PLEKHH1: variants seen among roughly 807,000 people sequenced by gnomAD.
The protein encoded by PLEKHH1 is pleckstrin homology, MyTH4 and FERM domain containing H1, also known as pleckstrin homology domain-containing family H member 1.
A neutral mutation model predicts 160.0 loss-of-function variants in PLEKHH1; 104 were observed. The observed-to-expected ratio is 0.65, with a 90% CI of 0.55 to 0.76. The LOEUF (loss-of-function observed/expected upper bound fraction) is 0.76. Ranked by LOEUF, PLEKHH1 falls within the 30% of genes least tolerant of loss-of-function variation. The probability of loss-of-function intolerance (pLI) is 0.00; values close to 1 mark genes in which losing one functional copy is unlikely to be tolerated. For missense variants in PLEKHH1, 1,427 were observed against 1,724.1 expected (o/e 0.83, Z 3.05); for synonymous variants, 619 against 678.4 (o/e 0.91, Z 1.36).
At chr14:67,546,250 A>G (rs2034173928) in intron 2 of PLEKHH1, among the ~76,000 whole-genome samples, 1 of 152,246 alleles carries the variant, frequency 6.6e-6, no homozygotes, top group Admixed American at 6.5e-5. Context: ...TATATCTGTC[A>G]TGGTCCATTT....
rs749625038 is a variant in PLEKHH1, at chr14:67,576,055, G to A, written c.2352+50G>A. The A allele has an allele frequency of 7.1e-7, 1 of 1,405,664 alleles. No homozygotes were observed. The highest frequency in any genetic ancestry group is 2.1e-5 in the Admixed American group (1 of 48,082). The allele number at this position is 1,405,664 out of a possible 1,614,324, so 87.1% of individuals were successfully genotyped here. A position where few individuals can be genotyped will look rare whatever the true frequency, so the allele number is the denominator to read the frequency against. On this transcript the variant is annotated intron_variant, in intron 16 of 28. Transcript: ENST00000329153. The surrounding 1 kb of genome is among the most constrained non-coding windows in gnomAD (Gnocchi z 4.0). ...GGGCCAAGCTTGGACCTGTGATTCTGATCTTCCCTTCTCTCTTTCTCCTGA... is the reference window on the plus strand; with the variant it reads ...GGGCCAAGCTTGGACCTGTGATTCTAATCTTCCCTTCTCTCTTTCTCCTGA...
At chr14:67,560,977 C>T (rs552270822) in intron 5 of PLEKHH1, among the ~76,000 whole-genome samples, 129 of 152,184 alleles carry the variant, frequency 8.5e-4, no homozygotes, top group African/African-American at 2.8e-3. Context: ...GTGATCTGCC[C>T]GCCTCAGCCT....
At chr14:67,537,919 A>G (rs2033804725) in intron 1 of PLEKHH1, among the ~76,000 whole-genome samples, 1 of 152,234 alleles carries the variant, frequency 6.6e-6, no homozygotes, top group South Asian at 2.1e-4. Flanking sequence ...CAAAGCAGGT[A>G]TCAAGACTAT....
At chr14:67,559,059 CGTT>C (rs1293607437) in intron 4 of PLEKHH1, among the ~76,000 whole-genome samples, 2 of 152,210 alleles carry the variant, frequency 1.3e-5, no homozygotes, top group African/African-American at 4.8e-5. Flanking sequence ...GAGAGTCTGA[CGTT>C]GTCTGATGCT....
At chr14:67,564,574 C>A (rs117125821) in intron 7 of PLEKHH1, among the ~76,000 whole-genome samples, 8,497 of 152,220 alleles carry the variant, frequency 0.056, 274 homozygotes, top group Non-Finnish European at 0.078. Flanking sequence ...CCTCCTACTT[C>A]AGCCTTCTAA....
rs1033648276 is a variant in PLEKHH1, at chr14:67,580,824, G to A, written c.3184-114G>A. 4.4e-6 allele frequency: 3 copies of A among 679,840 alleles called. No homozygotes were observed. In the East Asian group the frequency reaches 8.0e-5, roughly 18 times the overall value. The allele number at this position is 679,840 out of a possible 1,614,324, so 42.1% of individuals were successfully genotyped here. A position where few individuals can be genotyped will look rare whatever the true frequency, so the allele number is the denominator to read the frequency against. On this transcript the variant is annotated intron_variant, in intron 22 of 28. Coordinates refer to ENST00000329153, the MANE Select transcript of PLEKHH1 (RefSeq NM_020715.3). ...TCCGCAGGTCAGCCTCCTGGTGGGA[G>A]GACTTTTCCTTAGTTTTCTTTGCTC...
intron 2 of PLEKHH1, among the ~76,000 whole-genome samples, chr14:67,542,279 T>C (rs1713401437): frequency 6.6e-6 from 1 of 152,242 alleles, no homozygotes; most frequent in Admixed American, 6.5e-5. Flanking sequence ...GGAGAGGTTC[T>C]ATTATTCCCT....
chr14:67,536,395 A>G (rs2033719519), intron 1 of PLEKHH1, among the ~76,000 whole-genome samples: 1 of 151,880 alleles, frequency 6.6e-6, no homozygotes, highest in African/African-American at 2.4e-5. Flanking sequence ...CACTTTTAGA[A>G]GATGGTGGTA....
chr14:67,550,114 T>G (rs1215980401), intron 2 of PLEKHH1, among the ~76,000 whole-genome samples: 2 of 149,392 alleles, frequency 1.3e-5, no homozygotes, highest in African/African-American at 2.5e-5. Flanking sequence ...TTTTATGTAT[T>G]TGGAAATAAG....
Position 67,587,345 on chromosome 14 carries a change from G to A in PLEKHH1, c.*110G>A. ...GGTCTAACAGCCCCCGGCTACTCTT[G>A]TTCTGTGAAATGTGTATTTTAGTCT... On this transcript the variant is annotated 3_prime_UTR_variant, in exon 29 of 29. Coordinates refer to ENST00000329153, the MANE Select transcript of PLEKHH1 (RefSeq NM_020715.3). 1 of 1,241,614 alleles carries A rather than the reference G, an allele frequency of 8.1e-7. No individual in the cohort carries two copies. The highest frequency in any genetic ancestry group is 1.2e-6 in the Non-Finnish European group (1 of 844,506). The allele number at this position is 1,241,614 out of a possible 1,614,324, so 76.9% of individuals were successfully genotyped here.
At chr14:67,544,532 A>G (rs2034102104) in intron 2 of PLEKHH1, among the ~76,000 whole-genome samples, 1 of 152,234 alleles carries the variant, frequency 6.6e-6, no homozygotes, top group Non-Finnish European at 1.5e-5. Flanking sequence ...GACACAAAAA[A>G]CAATTAGACT....
chr14:67,541,655 C>G (rs1055000837), intron 1 of PLEKHH1, among the ~76,000 whole-genome samples, 179 bp from the exon 2 acceptor site: 2 of 152,212 alleles, frequency 1.3e-5, no homozygotes, highest in African/African-American at 4.8e-5. Flanking sequence ...GCGGGACACA[C>G]TGAGCTGAGG....
Position 67,578,991 on chromosome 14 carries a change from TC to T in PLEKHH1, c.2850-140del. 1.5e-6 allele frequency: 1 copy of T among 654,114 alleles called. No individual in the cohort carries two copies. Among genetic ancestry groups the T allele is most frequent in the Non-Finnish European group, 2.7e-6 (1 of 372,844 alleles). 40.5% of individuals were successfully genotyped at this position (654,114 alleles called of 1,614,324 possible). On this transcript the variant is annotated intron_variant, in intron 20 of 28. Coordinates refer to ENST00000329153, the MANE Select transcript of PLEKHH1 (RefSeq NM_020715.3). The surrounding 1 kb of genome is among the most constrained non-coding windows in gnomAD (Gnocchi z 5.0). ...AAAGGTCCTGAATGACAAATTAATG[TC>T]CCAGACCAGAGTCTTCAGGGCTTTT...
chr14:67,573,220 G>A lies in PLEKHH1; in HGVS notation c.1729-56G>A. ...GCTGGACCACTTGGACCTGTGTGATGTCTAGGAGCCCTGAGTGATTTCCCC... is the reference window on the plus strand; with the variant it reads ...GCTGGACCACTTGGACCTGTGTGATATCTAGGAGCCCTGAGTGATTTCCCC... On this transcript the variant is annotated intron_variant, in intron 11 of 28. Coordinates refer to ENST00000329153, the MANE Select transcript of PLEKHH1 (RefSeq NM_020715.3). This position sits in a 1 kb window ranked among gnomAD's most constrained non-coding sequence, Gnocchi z 4.8. 8.9e-7 allele frequency: 1 copy of A among 1,120,586 alleles called. No homozygotes were observed. The highest frequency in any genetic ancestry group is 1.4e-6 in the Non-Finnish European group (1 of 739,410). 69.4% of individuals were successfully genotyped at this position (1,120,586 alleles called of 1,614,324 possible). A position where few individuals can be genotyped will look rare whatever the true frequency, so the allele number is the denominator to read the frequency against.
chr14:67,577,447 G>A (rs930952425), intron 18 of PLEKHH1, 33 bp downstream of exon 18: 1 of 1,323,978 alleles, frequency 7.6e-7, no homozygotes, highest in Middle Eastern at 1.8e-4. Flanking sequence ...CCCACCGCTG[G>A]GATACTTGCA....
Position 67,579,804 on chromosome 14 carries a change from C to T in PLEKHH1, c.3111C>T (p.His1037=). 6.2e-7 allele frequency: 1 copy of T among 1,610,838 alleles called. No individual in the cohort carries two copies. The highest frequency in any genetic ancestry group is 1.1e-5 in the South Asian group (1 of 90,072). Residue 1037 remains histidine, a synonymous_variant, in exon 22 of 29, where the codon CAC becomes CAT. Transcript: ENST00000329153. ...NQEIGMRKPS[H]SGFALFTDDP... is the part of the protein sequence containing the mutation. ...AGATAGGCATGAGAAAGCCATCCCA[C>T]TCTGGCTTTGCCCTCTTCACGGACG... is the stretch of plus-strand genomic sequence containing the variant.
In PLEKHH1 at chr14:67,578,330, G is replaced by C. The variant is rs1594787087; in HGVS notation, c.2751+131G>C. On this transcript the variant is annotated intron_variant, in intron 19 of 28. Transcript: ENST00000329153. This position sits in a 1 kb window ranked among gnomAD's most constrained non-coding sequence, Gnocchi z 5.0. ...GCGGGCAGCCTCTGTGCTCCAAGCTGCATCAGTACGGCTGAGCTGTCTATG... is the reference window on the plus strand; with the variant it reads ...GCGGGCAGCCTCTGTGCTCCAAGCTCCATCAGTACGGCTGAGCTGTCTATG... 4 of 820,504 alleles carry C rather than the reference G, an allele frequency of 4.9e-6. No homozygotes were observed. In the East Asian group the frequency reaches 1.0e-4, roughly 21 times the overall value. The allele number at this position is 820,504 out of a possible 1,614,324, so 50.8% of individuals were successfully genotyped here.
intron 7 of PLEKHH1, among the ~76,000 whole-genome samples, chr14:67,567,690 G>C (rs2035172719): frequency 6.6e-6 from 1 of 151,970 alleles, no homozygotes; most frequent in African/African-American, 2.4e-5. Flanking sequence ...GTTGTCCCAG[G>C]GCTGCTGCTC....
At chr14:67,539,492 A>G (rs531703865) in intron 1 of PLEKHH1, among the ~76,000 whole-genome samples, 16 of 152,230 alleles carry the variant, frequency 1.1e-4, no homozygotes, top group Non-Finnish European at 1.9e-4. Flanking sequence ...TTTTAGATGA[A>G]AAGTCAGGAT....
Sources: gnomAD v4.1 joint callset for allele counts (sites outside exome capture counted in the v4.1 genomes callset) on GRCh38, gnomAD v4.1.1 for gene constraint, Gnocchi (gnomAD v3.1) non-coding constraint, MANE v1.5 for transcripts, NCBI Gene and HGNC (gene_info 2026-07-23, HGNC 2026-07-21) for gene names.